The following BAZ1A variants were observed in gnomAD, a reference collection of about 807,000 sequenced individuals.
BAZ1A encodes the protein bromodomain adjacent to zinc finger domain 1A.
A neutral mutation model predicts 185.2 loss-of-function variants in BAZ1A; 50 were observed. The ratio of observed to expected loss-of-function variants is 0.27; its 90% CI spans 0.22 to 0.34. BAZ1A has a LOEUF of 0.34. BAZ1A is among the 10% of genes least tolerant of loss of function. The pLI, the probability that BAZ1A is intolerant of heterozygous loss-of-function variation, is 1.00. For synonymous variants in BAZ1A, 571 were observed against 615.6 expected, an observed-to-expected ratio of 0.93 and a Z score of 1.07; for missense variants, 1,356 against 1,839.9, an observed-to-expected ratio of 0.74 and a Z score of 4.81.
At chr14:34,850,146 G>A (rs190837596) in intron 3 of BAZ1A, among the ~76,000 whole-genome samples, 9 of 152,150 alleles carry the variant, frequency 5.9e-5, no homozygotes, top group Admixed American at 1.3e-4. Flanking sequence ...TTGGGAGGCC[G>A]AGGCTGGCAC....
chr14:34,772,246 G>T (rs896535093), intron 20 of BAZ1A, among the ~76,000 whole-genome samples: 9 of 152,054 alleles, frequency 5.9e-5, no homozygotes, highest in Non-Finnish European at 1.3e-4. Context: ...CAGCCACTGC[G>T]CCTGGCCTAA....
intron 3 of BAZ1A, among the ~76,000 whole-genome samples, chr14:34,849,168 T>C (rs1292735839): frequency 1.3e-5 from 2 of 152,196 alleles, no homozygotes; most frequent in Non-Finnish European, 2.9e-5. Flanking sequence ...CACATGCCTA[T>C]AGTCCCAGCT....
chr14:34,834,022 G>A lies in BAZ1A; in HGVS notation c.393-7866C>T, dbSNP rs1288274729. ...ACCACTGACTGGTAGAAATAAACCA[G>A]TGTTTCTCAAGAGGAACAACTACAG... On this transcript the variant is annotated intron_variant, in intron 3 of 26. Transcript: ENST00000360310. 2.0e-5 allele frequency among the ~76,000 whole-genome samples: 3 copies of A among 152,276 alleles called. No homozygotes were observed. The East Asian group carries it at 5.8e-4, about 29-fold the overall frequency.
chr14:34,779,349 A>G (rs1222517945), intron 17 of BAZ1A, among the ~76,000 whole-genome samples: 1 of 152,000 alleles, frequency 6.6e-6, no homozygotes, highest in Non-Finnish European at 1.5e-5. Flanking sequence ...AATATTCAGT[A>G]ATGATTAGTT....
At chr14:34,825,447 C>CAAAAAAAAAAAAAAAAAAAAAAAAAAAAA (rs35449855) in intron 4 of BAZ1A, among the ~76,000 whole-genome samples, 1 of 55,406 alleles carries the variant, frequency 1.8e-5, no homozygotes, top group Non-Finnish European at 3.4e-5. Context: ...AACTCTGTCT[C>CAAAAAAAAAAAAAAAAAAAAAAAAAAAAA]AAAAAAAAAA....
At chr14:34,823,295 A>G (rs563508009) in intron 4 of BAZ1A, among the ~76,000 whole-genome samples, 36 of 151,988 alleles carry the variant, frequency 2.4e-4, no homozygotes, top group African/African-American at 8.2e-4. Context: ...TAGAGGTTGC[A>G]GTGGGCCGAG....
intron 4 of BAZ1A, among the ~76,000 whole-genome samples, chr14:34,819,652 C>T (rs897669892): frequency 6.6e-6 from 1 of 152,066 alleles, no homozygotes; most frequent in African/African-American, 2.4e-5. Flanking sequence ...TCTTTATGTA[C>T]CACAGTTTAT....
At chr14:34,856,118 A>G (rs1187375098) in intron 3 of BAZ1A, among the ~76,000 whole-genome samples, 2 of 152,194 alleles carry the variant, frequency 1.3e-5, no homozygotes, top group Non-Finnish European at 2.9e-5. Flanking sequence ...CTGAGATATC[A>G]TCCAATCTGG....
At chr14:34,844,781 A>G (rs1251293678) in intron 3 of BAZ1A, among the ~76,000 whole-genome samples, 274 of 8,548 alleles carry the variant, frequency 0.032, no homozygotes, top group African/African-American at 0.044. Context: ...ACACGCGCAC[A>G]CACACACACA....
In BAZ1A at chr14:34,822,841, A is replaced by G. The variant is rs78775657; in HGVS notation, c.536+3172T>C. ...GAAGTCTTCTTCAAAATGCTACCTT[A>G]TAACAGGCAAAATATTTCCTAATTG... is the stretch of plus-strand genomic sequence containing the variant. On this transcript the variant is annotated intron_variant, in intron 4 of 26. Transcript: ENST00000360310. 6.1e-3 allele frequency among the ~76,000 whole-genome samples: 936 copies of G among 152,324 alleles called. 17 individuals are homozygous for G. The highest frequency in any genetic ancestry group is 0.022 in the African/African-American group (905 of 41,566).
chr14:34,758,350 G>C (rs1308259138), intron 25 of BAZ1A, among the ~76,000 whole-genome samples: 1 of 151,528 alleles, frequency 6.6e-6, no homozygotes, highest in Non-Finnish European at 1.5e-5. Context: ...GGGGGGCCGA[G>C]GTGGGCAGAT....
chr14:34,809,821 G>T (rs1451029120), intron 5 of BAZ1A, among the ~76,000 whole-genome samples: 1 of 151,826 alleles, frequency 6.6e-6, no homozygotes, highest in Admixed American at 6.6e-5. Flanking sequence ...TGAACTAAAG[G>T]CAAAAGAAAA....
intron 12 of BAZ1A, among the ~76,000 whole-genome samples, chr14:34,789,459 T>TAC (rs1880703809): frequency 6.6e-6 from 1 of 152,238 alleles, no homozygotes; most frequent in Admixed American, 6.5e-5. Context: ...GTCACTTGGG[T>TAC]ACATCACAAC....
intron 3 of BAZ1A, among the ~76,000 whole-genome samples, chr14:34,833,868 GTTTA>G (rs2042289223): frequency 6.6e-6 from 1 of 151,984 alleles, no homozygotes; most frequent in Admixed American, 6.6e-5. Flanking sequence ...AAAATTTTAT[GTTTA>G]TTTTACTAAA....
chr14:34,836,702 C>T (rs900023704), intron 3 of BAZ1A, among the ~76,000 whole-genome samples: 3 of 151,862 alleles, frequency 2.0e-5, no homozygotes, highest in African/African-American at 7.3e-5. Flanking sequence ...TATTTTCTAA[C>T]AGTGAACTAA....
At chr14:34,800,483 T>C (rs1276050582) in intron 8 of BAZ1A, 93 bp from the exon 9 acceptor site, 1 of 1,049,882 alleles carries the variant, frequency 9.5e-7, no homozygotes, top group African/African-American at 1.7e-5. Context: ...TGAAATAATT[T>C]AAAGTTAAAT....
At chr14:34,782,206 A>T (rs2138603906) in intron 16 of BAZ1A, among the ~76,000 whole-genome samples, 1 of 152,294 alleles carries the variant, frequency 6.6e-6, no homozygotes, top group Non-Finnish European at 1.5e-5. Context: ...GAGAGTCCTG[A>T]TTTCTCAACT....
chr14:34,825,916 CA>C, intron 4 of BAZ1A, 96 bp downstream of exon 4: 1 of 1,239,114 alleles, frequency 8.1e-7, no homozygotes, highest in East Asian at 2.7e-5. Context: ...CCAGCCTGGG[CA>C]AAAGAGTGAA....
rs573071942 is a variant in BAZ1A, at chr14:34,758,579, G to C, written c.4386+125C>G. 1.7e-4 allele frequency: 174 copies of C among 1,003,430 alleles called. 5 individuals are homozygous for C. In the South Asian group the frequency reaches 2.8e-3, roughly 16 times the overall value. The allele number at this position is 1,003,430 out of a possible 1,614,324, so 62.2% of individuals were successfully genotyped here. A position where few individuals can be genotyped will look rare whatever the true frequency, so the allele number is the denominator to read the frequency against. On this transcript the variant is annotated intron_variant, in intron 25 of 26. Transcript: ENST00000360310. ...TGGGCGACAGAGTGAGACTGTCTCA[G>C]GAAAAAACAACAACAACAAAAAAAA... is the stretch of plus-strand genomic sequence containing the variant.
Sources: allele counts gnomAD v4.1 joint callset (sites outside exome capture counted in the v4.1 genomes callset), GRCh38; gene constraint gnomAD v4.1.1; transcripts MANE v1.5; gene names NCBI Gene and HGNC (gene_info 2026-07-23, HGNC 2026-07-21).